MGST1: variants seen among roughly 807,000 people sequenced by gnomAD.
MGST1 encodes the protein microsomal glutathione S-transferase 1, also known as glutathione S-transferase 12.
Under a neutral mutation model 8.9 loss-of-function variants are expected in MGST1, and 5 were observed. The observed-to-expected ratio is 0.56, with a 90% CI of 0.29 to 1.19. The LOEUF (loss-of-function observed/expected upper bound fraction) is 1.19. MGST1 is among the 50% of genes most tolerant of loss of function. MGST1 has a pLI of 0.08. For missense variants in MGST1, 182 were observed against 187.4 expected, an observed-to-expected ratio of 0.97 and a Z score of 0.17; for synonymous variants, 54 against 67.8, an observed-to-expected ratio of 0.80 and a Z score of 1.00.
chr12:16,480,232 T>G (rs1941355843), intron 4 of MGST1, among the ~76,000 whole-genome samples: 1 of 144,406 alleles, frequency 6.9e-6, no homozygotes. Context: ...AACCTCCACC[T>G]CCTGGGTTCA....
At position 16,410,737 on chromosome 12, in the gene MGST1, G is replaced by A. The variant is rs957953015; in HGVS notation, n.779-26651G>A. ...ATCAAATATTCAAATATACTCAAAT[G>A]TATATGTTTGATTATATATATATTT... On this transcript the variant is annotated intron_variant and non_coding_transcript_variant, in intron 1 of 1. Coordinates refer to the MGST1 transcript ENST00000359720. This position sits in a 1 kb window ranked among gnomAD's most constrained non-coding sequence, Gnocchi z 4.4. Among the ~76,000 whole-genome samples the A allele has an allele frequency of 3.4e-5, 5 of 148,876 alleles. No individual in the cohort carries two copies. In the East Asian group the frequency reaches 5.8e-4, roughly 17 times the overall value.
downstream of MGST1, among the ~76,000 whole-genome samples, chr12:16,381,464 G>T (rs561538663): frequency 3.9e-5 from 6 of 152,236 alleles, no homozygotes; most frequent in Admixed American, 2.6e-4. Flanking sequence ...GTTGAATATT[G>T]GTCCCCACTC....
chr12:16,552,930 G>C (rs1942045208), intron 4 of MGST1, among the ~76,000 whole-genome samples: 1 of 143,456 alleles, frequency 7.0e-6, no homozygotes, highest in Non-Finnish European at 1.6e-5. Flanking sequence ...GCAACCAGTA[G>C]GGTCCAAACT....
intron 4 of MGST1, among the ~76,000 whole-genome samples, chr12:16,538,469 C>T (rs1350369473): frequency 2.0e-5 from 3 of 152,112 alleles, no homozygotes; most frequent in African/African-American, 7.2e-5. Context: ...TCTACTGGTA[C>T]CAATTTACTA....
chr12:16,484,792 A>G lies in MGST1; in HGVS notation n.482+101188A>G, dbSNP rs114793687. Among the ~76,000 whole-genome samples, 202 of 152,324 alleles carry G rather than the reference A, an allele frequency of 1.3e-3. 1 individual carries two copies. Among genetic ancestry groups the G allele is most frequent in the African/African-American group, 4.7e-3 (196 of 41,572 alleles). The stretch of plus-strand genomic sequence containing the variant: ...CTGTCCTCCAACACTGGGGATTACA[A>G]TGTGACATGAGATTTGATCAGGGAC... On this transcript the variant is annotated intron_variant and non_coding_transcript_variant, in intron 4 of 4. Coordinates refer to the MGST1 transcript ENST00000538857.
chr12:16,400,213 T>A, intron 1 of MGST1: 1 of 902,486 alleles, frequency 1.1e-6, no homozygotes, highest in Non-Finnish European at 1.9e-6. Context: ...TGTGTAGAAC[T>A]GCACATCCAT....
Position 16,354,246 on chromosome 12 carries a change from T to A in MGST1, c.-7T>A, listed in dbSNP as rs755473413. On this transcript the variant is annotated 5_prime_UTR_variant, in exon 2 of 4. Coordinates refer to ENST00000396210, the MANE Select transcript of MGST1 (RefSeq NM_020300.5). Reference sequence around the variant, plus strand: ...TCTTTTTAAGATTCCAGACCAAAATTGAAAAAATGGTTGACCTCACCCAGG... The same window carrying A: ...TCTTTTTAAGATTCCAGACCAAAATAGAAAAAATGGTTGACCTCACCCAGG... The A allele has an allele frequency of 6.4e-6, 10 of 1,572,234 alleles. 1 individual carries two copies. In the South Asian group the frequency reaches 1.2e-4, roughly 19 times the overall value.
chr12:16,364,147 T>G lies in MGST1; in HGVS notation c.*106T>G. The G allele has an allele frequency of 2.8e-6, 4 of 1,439,074 alleles. No homozygotes were observed. The highest frequency in any genetic ancestry group is 2.7e-6 in the Non-Finnish European group (3 of 1,093,616). 89.1% of individuals were successfully genotyped at this position (1,439,074 alleles called of 1,614,324 possible). On this transcript the variant is annotated 3_prime_UTR_variant, in exon 4 of 4. Coordinates refer to ENST00000396210, the MANE Select transcript of MGST1 (RefSeq NM_020300.5). The surrounding 1 kb of genome is among the most constrained non-coding windows in gnomAD (Gnocchi z 5.7). Reference sequence around the variant, plus strand: ...TTAGGTAGGAGGGGAGCAGAGGAATTATGAACTGGGGTAAACCCATTTTGA... The same window carrying G: ...TTAGGTAGGAGGGGAGCAGAGGAATGATGAACTGGGGTAAACCCATTTTGA...
rs1403452827 is a variant in MGST1 at position 16,536,478 on chromosome 12, T to C, written n.483-53050T>C. 2.0e-5 allele frequency among the ~76,000 whole-genome samples: 3 copies of C among 152,310 alleles called. No homozygotes were observed. The East Asian group carries it at 5.8e-4, about 29-fold the overall frequency. ...GTAAAGAATGGTACTTGAAATCATT[T>C]AGAACTGAAAGAAATGTTGGTAATT... On this transcript the variant is annotated intron_variant and non_coding_transcript_variant, in intron 4 of 4. Transcript: ENST00000538857.
intron 4 of MGST1, among the ~76,000 whole-genome samples, chr12:16,533,409 G>C (rs879413907): frequency 5.9e-5 from 9 of 152,074 alleles, no homozygotes; most frequent in Admixed American, 4.6e-4. Context: ...CCAACCATTT[G>C]TCTCTCTGGG....
At chr12:16,466,560 A>AT (rs1288464277) in intron 4 of MGST1, among the ~76,000 whole-genome samples, 16 of 152,280 alleles carry the variant, frequency 1.1e-4, no homozygotes, top group African/African-American at 3.8e-4. Flanking sequence ...AAAAAGACTG[A>AT]TTTTTTGGGG....
chr12:16,348,236 A>G (rs1178899599), intron 1 of MGST1, among the ~76,000 whole-genome samples: 1 of 152,142 alleles, frequency 6.6e-6, no homozygotes, highest in Admixed American at 6.5e-5. Flanking sequence ...AAATAATACT[A>G]CTGCTAATAA....
chr12:16,390,226 T>C (rs1940539540), intron 1 of MGST1, among the ~76,000 whole-genome samples: 1 of 152,168 alleles, frequency 6.6e-6, no homozygotes. Flanking sequence ...ATTTAAAATA[T>C]TAAACTGGGT....
At chr12:16,504,896 T>C (rs1941527472) in intron 4 of MGST1, among the ~76,000 whole-genome samples, 1 of 152,182 alleles carries the variant, frequency 6.6e-6, no homozygotes, top group South Asian at 2.1e-4. Context: ...CTAATCTTCC[T>C]TTTTTAAAAA....
chr12:16,429,217 T>C (rs1272588665), intron 1 of MGST1, among the ~76,000 whole-genome samples: 1 of 152,156 alleles, frequency 6.6e-6, no homozygotes, highest in Admixed American at 6.6e-5. Flanking sequence ...TATATATCTT[T>C]ATTGCACATT....
chr12:16,589,539 A>T lies in MGST1; in HGVS notation n.494A>T, dbSNP rs1943425099. On this transcript the variant is annotated non_coding_transcript_exon_variant, in exon 5 of 5. Coordinates refer to the MGST1 transcript ENST00000538857. This position sits in a 1 kb window ranked among gnomAD's most constrained non-coding sequence, Gnocchi z 4.2. ...TATGTCTTTTTTAGGTTGCTGCAGAAGTCAAGAGCTAACCAAGAAGACAAG... is the reference window on the plus strand; with the variant it reads ...TATGTCTTTTTTAGGTTGCTGCAGATGTCAAGAGCTAACCAAGAAGACAAG... 6.6e-6 allele frequency: 1 copy of T among 152,104 alleles called. No individual in the cohort carries two copies. The highest frequency in any genetic ancestry group is 2.1e-4 in the South Asian group (1 of 4,828). The allele number at this position is 152,104 out of a possible 1,614,324, so 9.4% of individuals were successfully genotyped here.
chr12:16,392,203 T>C (rs973538166), intron 1 of MGST1, among the ~76,000 whole-genome samples: 1 of 152,210 alleles, frequency 6.6e-6, no homozygotes, highest in African/African-American at 2.4e-5. Flanking sequence ...AAGAGCAATA[T>C]TTTTACTTGT....
At chr12:16,453,723 A>C (rs971009663) in intron 4 of MGST1, among the ~76,000 whole-genome samples, 2 of 151,832 alleles carry the variant, frequency 1.3e-5, no homozygotes, top group Non-Finnish European at 1.5e-5. Flanking sequence ...GTTTGCCAAC[A>C]ATCTTTAATG....
chr12:16,542,172 G>T (rs995709823), intron 4 of MGST1, among the ~76,000 whole-genome samples: 1 of 152,116 alleles, frequency 6.6e-6, no homozygotes, highest in African/African-American at 2.4e-5. Context: ...ATCCTCCATT[G>T]ATTAATTTTC....
Sources: allele counts gnomAD v4.1 joint callset (sites outside exome capture counted in the v4.1 genomes callset), GRCh38; gene constraint gnomAD v4.1.1; non-coding constraint Gnocchi (gnomAD v3.1); transcripts MANE v1.5; gene names NCBI Gene and HGNC (gene_info 2026-07-23, HGNC 2026-07-21).